Variants in FRMD6 observed in about 807,000 individuals in gnomAD.
FRMD6 encodes the protein FERM domain-containing protein 6.
In FRMD6, 37 loss-of-function variants were observed where a neutral mutation model predicts 73.2. The ratio of observed to expected loss-of-function variants is 0.51; its 90% CI spans 0.39 to 0.66. The LOEUF (loss-of-function observed/expected upper bound fraction) is 0.66, where lower values mean the gene tolerates loss of function less well. Among genes scored for constraint, FRMD6 ranks in the 30% least tolerant of loss-of-function variants. The pLI is 0.00. For missense variants in FRMD6, 714 were observed against 780.5 expected, an observed-to-expected ratio of 0.91 and a Z score of 1.02; for synonymous variants, 273 against 282.2, an observed-to-expected ratio of 0.97 and a Z score of 0.33.
chr14:51,626,864 TACTC>T (rs1465218961), intron 2 of FRMD6, among the ~76,000 whole-genome samples: 2 of 152,206 alleles, frequency 1.3e-5, no homozygotes, highest in Non-Finnish European at 2.9e-5. Flanking sequence ...ACATCACAAG[TACTC>T]AATAATTATT....
At chr14:51,521,294 A>G (rs1428309701) in intron 1 of FRMD6, among the ~76,000 whole-genome samples, 1 of 152,268 alleles carries the variant, frequency 6.6e-6, no homozygotes, top group Non-Finnish European at 1.5e-5. Context: ...GAAAGAACAT[A>G]TATAAATACA....
chr14:51,408,729 C>T, the FRMD6 span, among the ~76,000 whole-genome samples: 8 of 152,016 alleles, frequency 5.3e-5, no homozygotes, highest in African/African-American at 1.9e-4. Context: ...ATTTTAATAT[C>T]TATATATTGT....
At chr14:51,713,132 T>A (rs1341391108) in intron 9 of FRMD6, among the ~76,000 whole-genome samples, 1 of 152,150 alleles carries the variant, frequency 6.6e-6, no homozygotes, top group Non-Finnish European at 1.5e-5. Flanking sequence ...CAAAGAATTA[T>A]AGTTAATAAT....
At chr14:51,593,576 C>T (rs548224832) in intron 2 of FRMD6, among the ~76,000 whole-genome samples, 4 of 152,276 alleles carry the variant, frequency 2.6e-5, no homozygotes, top group Non-Finnish European at 4.4e-5. Context: ...GGTCTTGCTT[C>T]GCATCCTCTG....
At chr14:51,489,269 G>A (rs1882858355) in exon 1 of FRMD6, 1 of 152,382 alleles carries the variant, frequency 6.6e-6, no homozygotes, top group Non-Finnish European at 1.5e-5. Context: ...GAATGGGAAA[G>A]AAGTGGCTGG....
intron 1 of FRMD6, among the ~76,000 whole-genome samples, chr14:51,662,231 C>G (rs1893263296): frequency 6.6e-6 from 1 of 151,992 alleles, no homozygotes; most frequent in Non-Finnish European, 1.5e-5. Flanking sequence ...GAGTACCACA[C>G]ATAAGGTATT....
chr14:51,504,431 G>A lies in FRMD6; in HGVS notation c.-210+15011G>A, dbSNP rs139053265. On this transcript the variant is annotated intron_variant, in intron 1 of 14. Coordinates refer to the FRMD6 transcript ENST00000356218. ...CGGGGTCAGGCACTTGCTTGAAGAA[G>A]CAGTCTGGTTACTTTTTGGTAGAGC... Among the ~76,000 whole-genome samples the A allele has an allele frequency of 1.3e-3, 197 of 152,350 alleles. 1 individual carries two copies. Among genetic ancestry groups the A allele is most frequent in the African/African-American group, 4.5e-3 (188 of 41,582 alleles).
chr14:51,674,632 G>T (rs1894253881), intron 1 of FRMD6, among the ~76,000 whole-genome samples: 1 of 152,088 alleles, frequency 6.6e-6, no homozygotes, highest in Non-Finnish European at 1.5e-5. Flanking sequence ...AACCTTCAAG[G>T]TTGAGGTATG....
At chr14:51,705,617 T>C (rs562847050) in intron 6 of FRMD6, among the ~76,000 whole-genome samples, 1 of 152,122 alleles carries the variant, frequency 6.6e-6, no homozygotes, top group Non-Finnish European at 1.5e-5. Context: ...AAAGAAGAGC[T>C]ACTACTCTTG....
chr14:51,691,737 G>A (rs1160913690), intron 2 of FRMD6, among the ~76,000 whole-genome samples: 1 of 151,580 alleles, frequency 6.6e-6, no homozygotes, highest in African/African-American at 2.4e-5. Context: ...TGGGACTACA[G>A]GTGCCTGCCA....
the FRMD6 span, among the ~76,000 whole-genome samples, chr14:51,449,891 A>C: frequency 6.6e-6 from 1 of 152,212 alleles, no homozygotes; most frequent in Admixed American, 6.5e-5. Flanking sequence ...TCCTCTGCCT[A>C]GAAATCTGCT....
the FRMD6 span, among the ~76,000 whole-genome samples, chr14:51,423,110 AC>A: frequency 6.6e-6 from 1 of 151,922 alleles, no homozygotes; most frequent in South Asian, 2.1e-4. Context: ...TGAGCTAGAA[AC>A]CTTTGTTGTG....
intron 2 of FRMD6, among the ~76,000 whole-genome samples, chr14:51,635,908 A>AAAAC (rs1891534455): frequency 6.6e-6 from 1 of 152,232 alleles, no homozygotes; most frequent in Admixed American, 6.5e-5. Flanking sequence ...AGAACACAAT[A>AAAAC]AAACAATCCC....
chr14:51,703,948 AT>A (rs1178236126), intron 5 of FRMD6, among the ~76,000 whole-genome samples: 1 of 152,058 alleles, frequency 6.6e-6, no homozygotes, highest in Non-Finnish European at 1.5e-5. Context: ...GCCAGTAAAT[AT>A]TTTTTGGAGC....
At chr14:51,606,785 G>A (rs1382274246) in intron 2 of FRMD6, among the ~76,000 whole-genome samples, 2 of 152,138 alleles carry the variant, frequency 1.3e-5, no homozygotes, top group East Asian at 1.9e-4. Context: ...GGATGCTCAG[G>A]AATGCTGACC....
intron 5 of FRMD6, 119 bp downstream of exon 5, chr14:51,702,707 A>G: frequency 1.3e-6 from 1 of 764,010 alleles, no homozygotes; most frequent in Non-Finnish European, 2.1e-6. Flanking sequence ...TAAACTCTGT[A>G]GGAGCAGCAA....
intron 2 of FRMD6, among the ~76,000 whole-genome samples, chr14:51,598,157 C>T (rs1271343563): frequency 6.6e-6 from 1 of 152,136 alleles, no homozygotes; most frequent in Admixed American, 6.5e-5. Context: ...CAGCTTTGCT[C>T]CAGAGAGGAG....
chr14:51,615,780 C>T (rs369909383), intron 2 of FRMD6, among the ~76,000 whole-genome samples: 2 of 152,112 alleles, frequency 1.3e-5, no homozygotes, highest in African/African-American at 4.8e-5. Flanking sequence ...ATTCTAGAAA[C>T]ATTTCATGGA....
chr14:51,649,685 C>T (rs999822805), upstream of FRMD6: 1 of 152,198 alleles, frequency 6.6e-6, no homozygotes, highest in Non-Finnish European at 1.5e-5. Flanking sequence ...GTGCAATCCT[C>T]TACCTTTAAA....
Sources: allele counts gnomAD v4.1 joint callset (sites outside exome capture counted in the v4.1 genomes callset), GRCh38; gene constraint gnomAD v4.1.1; transcripts MANE v1.5; gene names NCBI Gene and HGNC (gene_info 2026-07-23, HGNC 2026-07-21).